UBAP2: variants seen among roughly 807,000 people sequenced by gnomAD.
UBAP2 encodes the protein ubiquitin associated protein 2, also known as ubiquitin-associated protein 2.
In UBAP2, 75 loss-of-function variants were observed where a neutral mutation model predicts 139.6. That is an observed-to-expected ratio of 0.54 (90% CI 0.45 to 0.65). UBAP2 has a LOEUF of 0.65. Ranked by LOEUF, UBAP2 falls within the 30% of genes least tolerant of loss-of-function variation. The pLI, the probability that UBAP2 is intolerant of heterozygous loss-of-function variation, is 0.00. For synonymous variants in UBAP2, 526 were observed against 526.2 expected (o/e 1.00, Z 0.01); for missense variants, 1,368 against 1,369.6 (o/e 1.00, Z 0.02).
At chr9:33,957,113 T>C (rs184615389) in intron 10 of UBAP2, among the ~76,000 whole-genome samples, 5 of 151,980 alleles carry the variant, frequency 3.3e-5, no homozygotes, top group Non-Finnish European at 5.9e-5. Flanking sequence ...AAGAAGTCAT[T>C]AAGAAGTTTG....
chr9:33,951,332 ATTTTTTTTTTTTTTTTTTT>A (rs57473520), intron 12 of UBAP2, among the ~76,000 whole-genome samples: 88 of 69,004 alleles, frequency 1.3e-3, no homozygotes, highest in Admixed American at 1.5e-3. Context: ...CTCCCCAATG[ATTTTTTTTTTTTTTTTTTT>A]TTTTTTTTTT....
At chr9:34,019,257 G>T (rs1488409401) in intron 1 of UBAP2, among the ~76,000 whole-genome samples, 1 of 152,024 alleles carries the variant, frequency 6.6e-6, no homozygotes, top group South Asian at 2.1e-4. Context: ...ACAAAAATTA[G>T]CCAGGCATGG....
intron 1 of UBAP2, among the ~76,000 whole-genome samples, chr9:34,043,837 G>GAAA (rs11435340): frequency 6.7e-6 from 1 of 148,494 alleles, no homozygotes. Flanking sequence ...GTTTCAGGGG[G>GAAA]AAAAAAAAGG....
At chr9:33,949,385 A>C (rs1019764485) in intron 12 of UBAP2, among the ~76,000 whole-genome samples, 1 of 152,024 alleles carries the variant, frequency 6.6e-6, no homozygotes. Context: ...AGAAGAGATC[A>C]GTGTGAGATG....
chr9:33,959,631 A>G (rs1201042369), intron 10 of UBAP2, among the ~76,000 whole-genome samples: 1 of 152,224 alleles, frequency 6.6e-6, no homozygotes, highest in Admixed American at 6.5e-5. Flanking sequence ...TACTATGCTG[A>G]AAGCAGAACT....
chr9:34,001,472 A>T (rs1822698244), intron 2 of UBAP2, among the ~76,000 whole-genome samples: 1 of 152,246 alleles, frequency 6.6e-6, no homozygotes, highest in Non-Finnish European at 1.5e-5. Context: ...TTAGAGTCAC[A>T]AGAGTTCATC....
intron 1 of UBAP2, among the ~76,000 whole-genome samples, chr9:34,026,235 A>C (rs1825391110): frequency 6.6e-6 from 1 of 152,204 alleles, no homozygotes; most frequent in African/African-American, 2.4e-5. Flanking sequence ...CTACATACTT[A>C]CACTGCATGT....
chr9:34,032,956 T>A (rs375474987), intron 1 of UBAP2, among the ~76,000 whole-genome samples: 10 of 151,264 alleles, frequency 6.6e-5, no homozygotes, highest in Non-Finnish European at 7.4e-5. Context: ...TGCTTCTTGA[T>A]ACTCTAAGCC....
chr9:33,974,034 C>T (rs188842196), intron 6 of UBAP2, among the ~76,000 whole-genome samples: 3 of 152,028 alleles, frequency 2.0e-5, no homozygotes, highest in South Asian at 2.1e-4. Flanking sequence ...AGGGAGACTC[C>T]CTCTCTACAA....
rs1488211750 is a variant in UBAP2 at position 33,923,472 on chromosome 9, G to A, written c.2803C>T (p.Pro935Ser). The A allele has an allele frequency of 6.2e-6, 10 of 1,614,156 alleles. No individual in the cohort carries two copies. Among genetic ancestry groups the A allele is most frequent in the Non-Finnish European group, 8.5e-6 (10 of 1,180,020 alleles). The change falls in exon 25 of 29, where the codon CCA becomes TCA. Residue 935 changes from proline (P) to serine (S), a missense_variant. Coordinates refer to ENST00000379238, the MANE Select transcript of UBAP2 (RefSeq NM_001370062.2). Reference sequence around the variant, plus strand: ...ACCCCATGTTGCTTGGCTGAGGCTGGAGGGACCTGGGGGGGCAAGCAGATG... The same window carrying A: ...ACCCCATGTTGCTTGGCTGAGGCTGAAGGGACCTGGGGGGGCAAGCAGATG... ...FQYGPTMFVPPASAKQHGVNL... is the reference protein window; with the variant it reads ...FQYGPTMFVPSASAKQHGVNL...
intron 1 of UBAP2, among the ~76,000 whole-genome samples, chr9:34,041,533 C>T (rs1455703985): frequency 6.8e-6 from 1 of 147,538 alleles, no homozygotes; most frequent in African/African-American, 2.5e-5. Context: ...CCCGTCTCTA[C>T]TAAGAATACA....
rs774426064 is a variant in UBAP2 at position 33,953,267 on chromosome 9, GAAAT to G, written c.1056+14_1056+17del. 3 of 1,604,576 alleles carry G rather than the reference GAAAT, an allele frequency of 1.9e-6. No homozygotes were observed. The highest frequency in any genetic ancestry group is 2.7e-5 in the African/African-American group (2 of 74,432). On this transcript the variant is annotated intron_variant, in intron 12 of 28. Coordinates refer to ENST00000379238, the MANE Select transcript of UBAP2 (RefSeq NM_001370062.2). Reference sequence around the variant, plus strand: ...GGTATATTTCTTAAAATCCCACACTGAAATAAAAGTGAGTTACCAGGCTCTGAGG... The same window carrying G: ...GGTATATTTCTTAAAATCCCACACTGAAAAGTGAGTTACCAGGCTCTGAGG...
At chr9:34,018,026 C>A (rs1824537240) in intron 1 of UBAP2, among the ~76,000 whole-genome samples, 1 of 151,914 alleles carries the variant, frequency 6.6e-6, no homozygotes, top group South Asian at 2.1e-4. Context: ...AGTATGTCAT[C>A]AAAACATGAT....
intron 1 of UBAP2, among the ~76,000 whole-genome samples, chr9:34,038,842 G>A (rs1178352254): frequency 6.7e-6 from 1 of 150,150 alleles, no homozygotes; most frequent in African/African-American, 2.5e-5. Flanking sequence ...AGTGAGGAGC[G>A]TCTCTGCCCG....
rs1400535856 is a variant in UBAP2 at position 33,982,437 on chromosome 9, G to C, written c.520+4323C>G. Among the ~76,000 whole-genome samples, 7 of 152,208 alleles carry C rather than the reference G, an allele frequency of 4.6e-5. No individual in the cohort carries two copies. The East Asian group carries it at 1.4e-3, about 29-fold the overall frequency. ...CAAAAACCAAAACAAATAAAAAATAGGTAGGTAGTTTGCCTACATAGCTGC... is the reference window on the plus strand; with the variant it reads ...CAAAAACCAAAACAAATAAAAAATACGTAGGTAGTTTGCCTACATAGCTGC... On this transcript the variant is annotated intron_variant, in intron 6 of 28. Transcript: ENST00000379238.
At chr9:33,950,669 G>C (rs2130962489) in intron 12 of UBAP2, among the ~76,000 whole-genome samples, 1 of 152,316 alleles carries the variant, frequency 6.6e-6, no homozygotes, top group East Asian at 1.9e-4. Context: ...CAAGCCCACT[G>C]ATTTAATGAA....
chr9:33,948,314 ACT>A, intron 13 of UBAP2, 58 bp downstream of exon 13: 1 of 1,440,508 alleles, frequency 6.9e-7, no homozygotes, highest in Non-Finnish European at 9.3e-7. Flanking sequence ...AAGTCAACAC[ACT>A]CTGCCAAAGC....
chr9:34,015,478 C>G (rs1437998283), intron 2 of UBAP2, among the ~76,000 whole-genome samples: 1 of 105,512 alleles, frequency 9.5e-6, no homozygotes, highest in Non-Finnish European at 1.9e-5. Context: ...CACTACCATG[C>G]CTGGCTAATT....
chr9:33,936,827 CCCACACCTGTAAT>C (rs1172576322), intron 16 of UBAP2, among the ~76,000 whole-genome samples: 1 of 149,650 alleles, frequency 6.7e-6, no homozygotes, highest in Admixed American at 6.8e-5. Context: ...AGCACAGTGG[CCCACACCTGTAAT>C]CCAGCTACTC....
Sources: allele counts gnomAD v4.1 joint callset (sites outside exome capture counted in the v4.1 genomes callset), GRCh38; gene constraint gnomAD v4.1.1; transcripts MANE v1.5; gene names NCBI Gene and HGNC (gene_info 2026-07-23, HGNC 2026-07-21).